HEATR3: variants seen among roughly 807,000 people sequenced by gnomAD.
HEATR3 encodes HEAT repeat containing 3, also known as HEAT repeat-containing protein 3.
HEATR3 carries 56 observed loss-of-function variants against 72.8 expected under a neutral mutation model. The ratio of observed to expected loss-of-function variants is 0.77; its 90% CI spans 0.62 to 0.96. HEATR3 has a LOEUF of 0.96. Ranked by LOEUF, HEATR3 falls within the 40% of genes least tolerant of loss-of-function variation. The pLI is 0.00. For synonymous variants in HEATR3, 331 were observed against 318.1 expected, an observed-to-expected ratio of 1.04 and a Z score of -0.43; for missense variants, 747 against 831.4, an observed-to-expected ratio of 0.90 and a Z score of 1.25.
intron 7 of HEATR3, among the ~76,000 whole-genome samples, chr16:50,082,777 G>A (rs932581783): frequency 2.9e-5 from 4 of 139,078 alleles, no homozygotes; most frequent in African/African-American, 5.1e-5. Flanking sequence ...AAAAAAAGCA[G>A]GTAAATTTTT....
intron 5 of HEATR3, chr16:50,073,745 T>G (rs2036663091): frequency 6.6e-6 from 1 of 152,222 alleles, no homozygotes; most frequent in South Asian, 2.1e-4. Context: ...TTTTGTGCCT[T>G]TAGTCTTATA....
chr16:50,079,447 C>A (rs2036817199), intron 7 of HEATR3, among the ~76,000 whole-genome samples: 1 of 152,166 alleles, frequency 6.6e-6, no homozygotes, highest in Admixed American at 6.5e-5. Flanking sequence ...GCAAACCAAA[C>A]CTTCATTTAT....
At chr16:50,070,023 T>G (rs1035788603) in intron 3 of HEATR3, among the ~76,000 whole-genome samples, 155 bp from the exon 4 acceptor site, 2 of 152,228 alleles carry the variant, frequency 1.3e-5, no homozygotes, top group Non-Finnish European at 2.9e-5. Context: ...GTAAAATACT[T>G]TGTATTGATT....
intron 13 of HEATR3, 57 bp downstream of exon 13, chr16:50,100,430 TG>T: frequency 6.5e-7 from 1 of 1,545,362 alleles, no homozygotes; most frequent in Non-Finnish European, 8.9e-7. Flanking sequence ...GGAGAAGAAC[TG>T]TTGGTGTAGG....
rs1250166977 is a variant in HEATR3 at position 50,070,358 on chromosome 16, T to C, written c.512+68T>C. The C allele has an allele frequency of 4.3e-6, 3 of 692,450 alleles. No homozygotes were observed. In the African/African-American group the frequency reaches 5.5e-5, roughly 13 times the overall value. The allele number at this position is 692,450 out of a possible 1,614,324, so 42.9% of individuals were successfully genotyped here. On this transcript the variant is annotated intron_variant, in intron 4 of 14. Transcript: ENST00000299192. ...CAGGCTGCTATTCTCTGTTATACTGTGTAGGAATCTCTGTTCCCCTTGGTA... is the reference window on the plus strand; with the variant it reads ...CAGGCTGCTATTCTCTGTTATACTGCGTAGGAATCTCTGTTCCCCTTGGTA...
chr16:50,090,404 T>C (rs753226762), intron 11 of HEATR3, among the ~76,000 whole-genome samples: 3 of 152,206 alleles, frequency 2.0e-5, no homozygotes, highest in Non-Finnish European at 4.4e-5. Flanking sequence ...TAAAGATCTC[T>C]GCTGTTTTGT....
intron 2 of HEATR3, among the ~76,000 whole-genome samples, chr16:50,067,222 G>A (rs1225576944): frequency 6.6e-6 from 1 of 152,104 alleles, no homozygotes; most frequent in Non-Finnish European, 1.5e-5. Flanking sequence ...GGGCATGGTG[G>A]TGGGTGCCTG....
At chr16:50,097,192 A>C (rs2037258960) in intron 12 of HEATR3, among the ~76,000 whole-genome samples, 1 of 152,270 alleles carries the variant, frequency 6.6e-6, no homozygotes, top group South Asian at 2.1e-4. Flanking sequence ...ATATTATAAA[A>C]TAGTGATGCT....
intron 10 of HEATR3, among the ~76,000 whole-genome samples, chr16:50,085,082 A>T (rs917821726): frequency 1.3e-5 from 2 of 152,178 alleles, no homozygotes; most frequent in Admixed American, 1.3e-4. Flanking sequence ...TTGTTCAGGG[A>T]TGCATACCTT....
rs912986215 is a variant in HEATR3, at chr16:50,074,789, T to A, written c.623-782T>A. The stretch of plus-strand genomic sequence containing the variant: ...CAAGGTCAGGAGATCGAGACCATCC[T>A]GGCTGACAAGGTGAAGCCCCATCTC... On this transcript the variant is annotated intron_variant, in intron 5 of 14. Coordinates refer to ENST00000299192, the MANE Select transcript of HEATR3 (RefSeq NM_182922.4). 4.0e-5 allele frequency: 6 copies of A among 151,442 alleles called. No individual in the cohort carries two copies. The East Asian group carries it at 1.2e-3, about 30-fold the overall frequency. 9.4% of individuals were successfully genotyped at this position (151,442 alleles called of 1,614,324 possible).
At chr16:50,080,695 G>C (rs2036848273) in intron 7 of HEATR3, among the ~76,000 whole-genome samples, 1 of 152,116 alleles carries the variant, frequency 6.6e-6, no homozygotes. Flanking sequence ...TCACTATGCT[G>C]TCTGGTCTCA....
At chr16:50,103,992 A>G (rs534334568) in intron 14 of HEATR3, among the ~76,000 whole-genome samples, 1 of 152,194 alleles carries the variant, frequency 6.6e-6, no homozygotes, top group East Asian at 1.9e-4. Context: ...GGATTGCAGC[A>G]CTGCACTCCA....
intron 14 of HEATR3, among the ~76,000 whole-genome samples, chr16:50,103,562 A>ATGC (rs1420459853): frequency 6.6e-6 from 1 of 152,182 alleles, no homozygotes; most frequent in Non-Finnish European, 1.5e-5. Flanking sequence ...CTTATTCAAA[A>ATGC]TGCAGGTCCT....
chr16:50,095,106 CT>C lies in HEATR3; in HGVS notation c.1599+321del, dbSNP rs1274800045. On this transcript the variant is annotated intron_variant, in intron 12 of 14. Coordinates refer to ENST00000299192, the MANE Select transcript of HEATR3 (RefSeq NM_182922.4). ...TGTAAATAATTTCTCTATCATTGGT[CT>C]TTTTTTTAAATCTTTTTTTTTTTTG... Among the ~76,000 whole-genome samples, 3 of 151,028 alleles carry C rather than the reference CT, an allele frequency of 2.0e-5. No homozygotes were observed. The East Asian group carries it at 5.8e-4, about 29-fold the overall frequency.
chr16:50,077,882 T>TTTTTTTTC (rs2036773217), intron 6 of HEATR3, among the ~76,000 whole-genome samples: 2 of 139,038 alleles, frequency 1.4e-5, no homozygotes, highest in African/African-American at 5.4e-5. Context: ...ATGTAATTTT[T>TTTTTTTTC]TTTTTTTTTT....
chr16:50,084,238 T>A lies in HEATR3; in HGVS notation c.1237T>A (p.Cys413Ser). The change falls in exon 9 of 15, where the codon TGC becomes AGC. Residue 413 changes from cysteine (C) to serine (S), a missense_variant. This residue lies in a region of HEATR3 where 586 missense variants were observed against 708.8 expected (regional missense o/e 0.83). Transcript: ENST00000299192. ...ECGGQLFSPL[C>S]LSHEVHTALT... is the part of the protein sequence containing the mutation. The stretch of plus-strand genomic sequence containing the variant: ...CGGGGGACAGCTGTTTTCTCCCCTC[T>A]GCCTCTCCCATGAAGTTCACACGGC... 1.2e-6 allele frequency: 2 copies of A among 1,614,158 alleles called. No individual in the cohort carries two copies. The highest frequency in any genetic ancestry group is 1.7e-6 in the Non-Finnish European group (2 of 1,180,034).
intron 5 of HEATR3, chr16:50,074,419 A>T (rs769055766): frequency 8.6e-5 from 13 of 150,540 alleles, no homozygotes; most frequent in Non-Finnish European, 1.5e-4. Context: ...GACTTACTAC[A>T]ACCTCCGCCT....
Position 50,078,987 on chromosome 16 carries a change from G to A in HEATR3, c.1010G>A (p.Arg337Lys), listed in dbSNP as rs150166531. The A allele has an allele frequency of 7.8e-4, 1,251 of 1,613,022 alleles. 4 individuals carry two copies. The Middle Eastern group carries it at 9.9e-3, about 13-fold the overall frequency. The change falls in exon 7 of 15, where the codon AGA (arginine) becomes AAA (lysine). Residue 337 changes from arginine to lysine, a missense_variant. This residue lies in a region of HEATR3 where 586 missense variants were observed against 708.8 expected (regional missense o/e 0.83). Transcript: ENST00000299192. ...MEGISHKRRV[R>K]RKTFVSDLLP... The stretch of plus-strand genomic sequence containing the variant: ...GGAATTTCTCATAAAAGAAGAGTCA[G>A]AAGGAAAACTTTCGTTTCAGATTTA...
chr16:50,078,590 C>T (rs2036791714), intron 6 of HEATR3, 151 bp from the exon 7 acceptor site: 3 of 720,828 alleles, frequency 4.2e-6, no homozygotes, highest in African/African-American at 3.6e-5. Flanking sequence ...CAGTGCAGAA[C>T]TCATTGATAT....
Sources: allele counts gnomAD v4.1 joint callset (sites outside exome capture counted in the v4.1 genomes callset), GRCh38; gene constraint gnomAD v4.1.1; regional missense constraint gnomAD v4.1.1; transcripts MANE v1.5; gene names NCBI Gene and HGNC (gene_info 2026-07-23, HGNC 2026-07-21).